Variants in SULF2 observed in about 807,000 individuals in gnomAD.
The protein encoded by SULF2 is extracellular sulfatase Sulf-2.
A neutral mutation model predicts 107.7 loss-of-function variants in SULF2; 52 were observed. That is an observed-to-expected ratio of 0.48 (90% CI 0.39 to 0.61). The LOEUF (loss-of-function observed/expected upper bound fraction) is 0.61, where lower values mean the gene tolerates loss of function less well. SULF2 is among the 20% of genes least tolerant of loss of function. The probability of loss-of-function intolerance (pLI) is 0.00; values close to 1 mark genes in which losing one functional copy is unlikely to be tolerated. For missense variants in SULF2, 993 were observed against 1,177.3 expected, an observed-to-expected ratio of 0.84 and a Z score of 2.29; for synonymous variants, 460 against 464.3, an observed-to-expected ratio of 0.99 and a Z score of 0.12.
chr20:47,697,906 C>T (rs2088437718), intron 4 of SULF2, among the ~76,000 whole-genome samples: 1 of 152,234 alleles, frequency 6.6e-6, no homozygotes, highest in African/African-American at 2.4e-5. Context: ...TTTAGAGAAT[C>T]CGCCTGCACT....
intron 2 of SULF2, among the ~76,000 whole-genome samples, chr20:47,741,684 T>C (rs1317263216): frequency 6.6e-6 from 1 of 152,154 alleles, no homozygotes; most frequent in Non-Finnish European, 1.5e-5. Flanking sequence ...CTTTGCTCCC[T>C]AGTCCCAAAC....
chr20:47,779,897 G>A (rs1012038565), intron 1 of SULF2, among the ~76,000 whole-genome samples: 1 of 151,916 alleles, frequency 6.6e-6, no homozygotes, highest in Non-Finnish European at 1.5e-5. Flanking sequence ...ATAAGCCACC[G>A]CGTCCAGACA....
chr20:47,663,674 C>T, intron 15 of SULF2, 52 bp from the exon 16 acceptor site: 1 of 1,509,636 alleles, frequency 6.6e-7, no homozygotes, highest in Non-Finnish European at 8.8e-7. Flanking sequence ...GATCAGTGAC[C>T]CCATGTCTCT....
chr20:47,684,456 A>G lies in SULF2; in HGVS notation c.863T>C (p.Met288Thr), dbSNP rs1288249555. 2 of 1,613,346 alleles carry G rather than the reference A, an allele frequency of 1.2e-6. No homozygotes were observed. The highest frequency in any genetic ancestry group is 1.7e-5 in the Admixed American group (1 of 59,952). The change falls in exon 6 of 21, where the codon ATG becomes ACG. Residue 288 changes from methionine (M) to threonine (T), a missense_variant. By Grantham distance (81) the Met-to-Thr change is moderately conservative. This residue lies in a region of SULF2 where 388 missense variants were observed against 449.2 expected (regional missense o/e 0.86). Transcript: ENST00000688720. ...MLQRKRLQTLMSVDDSMETIY... is the reference protein window; with the variant it reads ...MLQRKRLQTLTSVDDSMETIY... ...CGTCTCCATGGAGTCGTCCACCGACATGAGGGTCTGCAAGCGCTTCCGCTG... is the reference window on the plus strand; with the variant it reads ...CGTCTCCATGGAGTCGTCCACCGACGTGAGGGTCTGCAAGCGCTTCCGCTG...
chr20:47,659,582 G>A, intron 19 of SULF2, 115 bp downstream of exon 19: 1 of 1,360,658 alleles, frequency 7.3e-7, no homozygotes, highest in Non-Finnish European at 1.0e-6. Flanking sequence ...GTCTCGGGCA[G>A]ACCAGAGGGA....
chr20:47,737,736 T>C (rs1446061521), intron 2 of SULF2, among the ~76,000 whole-genome samples: 1 of 150,830 alleles, frequency 6.6e-6, no homozygotes, highest in Non-Finnish European at 1.5e-5. Flanking sequence ...ATGCCTGCTC[T>C]TGTTTCTTTC....
chr20:47,780,505 C>T (rs1040720830), intron 1 of SULF2, among the ~76,000 whole-genome samples: 12 of 152,200 alleles, frequency 7.9e-5, no homozygotes, highest in East Asian at 3.8e-4. Flanking sequence ...GCCTCCCTGA[C>T]AGCCTGCCTA....
At chr20:47,672,524 C>G (rs1446122232) in intron 10 of SULF2, 131 bp from the exon 11 acceptor site, 20 of 1,433,054 alleles carry the variant, frequency 1.4e-5, no homozygotes, top group Non-Finnish European at 1.8e-5. Context: ...AGCCCCACCT[C>G]TGCTATCTCC....
At chr20:47,774,254 G>C (rs1360893639) in intron 1 of SULF2, among the ~76,000 whole-genome samples, 1 of 152,224 alleles carries the variant, frequency 6.6e-6, no homozygotes, top group African/African-American at 2.4e-5. Flanking sequence ...CCGGGTCAGA[G>C]GCTCTGCGAG....
chr20:47,701,481 C>T (rs6094785), intron 4 of SULF2, among the ~76,000 whole-genome samples: 3,941 of 152,274 alleles, frequency 0.026, 174 homozygotes, highest in African/African-American at 0.091. Context: ...GAAAAAACTA[C>T]GACTGAGGAT....
chr20:47,690,283 C>T lies in SULF2; in HGVS notation c.580G>A (p.Asp194Asn). 1 of 1,505,438 alleles carries T rather than the reference C, an allele frequency of 6.6e-7. No individual in the cohort carries two copies. Among genetic ancestry groups the T allele is most frequent in the Non-Finnish European group, 8.9e-7 (1 of 1,119,918 alleles). The allele number at this position is 1,505,438 out of a possible 1,614,324, so 93.3% of individuals were successfully genotyped here. The change falls in exon 5 of 21, where the codon GAC (aspartate) becomes AAC (asparagine). Residue 194 changes from aspartate to asparagine, a missense_variant. Transcript: ENST00000688720. ...CTCACGCTGTCATTGGTGATGAGGT[C>T]TGTGAGGTAATCCTGGGGGGTGGGG... ...GSDYSKDYLT[D>N]LITNDSVSFF...
chr20:47,740,886 G>A (rs1378539215), intron 2 of SULF2, among the ~76,000 whole-genome samples: 6 of 152,002 alleles, frequency 3.9e-5, no homozygotes, highest in Admixed American at 3.3e-4. Context: ...TGATGTCACC[G>A]TCCCTCCTGC....
chr20:47,676,145 A>C (rs530176868), intron 10 of SULF2, among the ~76,000 whole-genome samples: 1 of 152,368 alleles, frequency 6.6e-6, no homozygotes, highest in African/African-American at 2.4e-5. Context: ...ACCAGTCACA[A>C]AGAGGATACT....
intron 2 of SULF2, among the ~76,000 whole-genome samples, chr20:47,739,567 G>T (rs1243435812): frequency 6.6e-6 from 1 of 152,242 alleles, no homozygotes; most frequent in East Asian, 1.9e-4. Flanking sequence ...GGCCTTCCCT[G>T]GCCTGTATTG....
At chr20:47,684,310 C>T (rs1568811656) in intron 6 of SULF2, 121 bp downstream of exon 6, 2 of 1,159,534 alleles carry the variant, frequency 1.7e-6, no homozygotes, top group Non-Finnish European at 2.3e-6. Flanking sequence ...CATGGGGCCT[C>T]TTCATTCTGC....
intron 10 of SULF2, 147 bp from the exon 11 acceptor site, chr20:47,672,540 C>A: frequency 7.0e-7 from 1 of 1,419,384 alleles, no homozygotes. Context: ...TCTCCAATGC[C>A]GCTTCTCTCC....
In SULF2 at chr20:47,661,814, C is replaced by T; in HGVS notation, c.2453G>A (p.Gly818Asp). ...VQLMELRSCK[G>D]YKQCNPRTRN... ...AGTCCGGGGGTTACACTGCTTGTAA[C>T]CCTTGCAGCTCCTCAGCTCCATGAG... Residue 818 changes from glycine to aspartate, a missense_variant, in exon 18 of 21, where the codon GGT becomes GAT. Coordinates refer to ENST00000688720, the MANE Select transcript of SULF2 (RefSeq NM_001387048.1). 2 of 1,589,718 alleles carry T rather than the reference C, an allele frequency of 1.3e-6. No homozygotes were observed. The highest frequency in any genetic ancestry group is 1.7e-6 in the Non-Finnish European group (2 of 1,163,198).
In SULF2 at chr20:47,716,082, G is replaced by GCAA. The variant is rs2089111216; in HGVS notation, c.416-13415_416-13413dup. On this transcript the variant is annotated intron_variant, in intron 3 of 20. Coordinates refer to ENST00000688720, the MANE Select transcript of SULF2 (RefSeq NM_001387048.1). ...AAAAAGCACTCAAGGTCAGTGTAAG[G>GCAA]CAACAGCAGTGCTTTTCAATATGGT... Among the ~76,000 whole-genome samples, 5 of 152,296 alleles carry GCAA rather than the reference G, an allele frequency of 3.3e-5. No homozygotes were observed. The South Asian group carries it at 1.0e-3, about 32-fold the overall frequency.
chr20:47,745,127 C>T (rs2146834544), intron 2 of SULF2, among the ~76,000 whole-genome samples: 1 of 151,990 alleles, frequency 6.6e-6, no homozygotes, highest in African/African-American at 2.4e-5. Context: ...AAACACAGCC[C>T]ATAAATAACT....
Sources: gnomAD v4.1 joint callset for allele counts (sites outside exome capture counted in the v4.1 genomes callset) on GRCh38, gnomAD v4.1.1 for gene constraint, gnomAD v4.1.1 regional missense constraint, MANE v1.5 for transcripts, NCBI Gene and HGNC (gene_info 2026-07-23, HGNC 2026-07-21) for gene names.